ARID1B: variants seen among roughly 807,000 people sequenced by gnomAD.
ARID1B encodes the protein AT-rich interaction domain 1B, also known as AT-rich interactive domain-containing protein 1B.
Under a neutral mutation model 212.3 loss-of-function variants are expected in ARID1B, and 30 were observed. That is an observed-to-expected ratio of 0.14 (90% CI 0.11 to 0.19). ARID1B has a LOEUF of 0.19. Ranked by LOEUF, ARID1B falls within the 10% of genes least tolerant of loss-of-function variation. ARID1B has a pLI of 1.00. For missense variants in ARID1B, 2,891 were observed against 3,204.0 expected, an observed-to-expected ratio of 0.90 and a Z score of 2.36; for synonymous variants, 1,402 against 1,301.7, an observed-to-expected ratio of 1.08 and a Z score of -1.66.
intron 1 of ARID1B, among the ~76,000 whole-genome samples, chr6:156,781,792 T>C (rs751634162): frequency 2.6e-5 from 4 of 152,114 alleles, no homozygotes; most frequent in Non-Finnish European, 5.9e-5. Context: ...TTTGTCAGCC[T>C]GCTTTTAAAG....
At chr6:156,872,203 G>A (rs888986085) in intron 2 of ARID1B, among the ~76,000 whole-genome samples, 1 of 152,152 alleles carries the variant, frequency 6.6e-6, no homozygotes, top group African/African-American at 2.4e-5. Context: ...GGGATTAGTC[G>A]ATGAGATTTC....
At chr6:156,784,186 G>A (rs945518739) in intron 1 of ARID1B, among the ~76,000 whole-genome samples, 2 of 151,940 alleles carry the variant, frequency 1.3e-5, no homozygotes, top group African/African-American at 4.8e-5. Context: ...GCCCTTTCCT[G>A]AATGGGAGGG....
chr6:156,983,524 T>C (rs1301712454), intron 4 of ARID1B, among the ~76,000 whole-genome samples: 1 of 152,206 alleles, frequency 6.6e-6, no homozygotes, highest in East Asian at 1.9e-4. Flanking sequence ...CTTCCTCATG[T>C]TGATATGTGA....
chr6:156,827,600 T>C (rs1782829631), intron 1 of ARID1B, among the ~76,000 whole-genome samples: 1 of 152,186 alleles, frequency 6.6e-6, no homozygotes, highest in Non-Finnish European at 1.5e-5. Context: ...AAATTCGTGC[T>C]TCACGTGGAT....
In ARID1B at chr6:156,941,458, GT is replaced by G. The variant is rs1347887032; in HGVS notation, c.2247+5884del. 2.0e-5 allele frequency: 3 copies of G among 152,200 alleles called. No homozygotes were observed. The South Asian group carries it at 6.2e-4, about 32-fold the overall frequency. The allele number at this position is 152,200 out of a possible 1,614,324, so 9.4% of individuals were successfully genotyped here. A position where few individuals can be genotyped will look rare whatever the true frequency, so the allele number is the denominator to read the frequency against. On this transcript the variant is annotated intron_variant, in intron 4 of 19. Coordinates refer to ENST00000636930, the MANE Select transcript of ARID1B (RefSeq NM_001374828.1). ...TGAACATAATTTTCATCACTGGTCT[GT>G]TCTATCTGGAGATATCAGTTATTTT...
intron 2 of ARID1B, among the ~76,000 whole-genome samples, chr6:156,872,962 C>T (rs186302694): frequency 1.3e-5 from 2 of 152,304 alleles, no homozygotes; most frequent in East Asian, 3.9e-4. Context: ...GAGGCTACTC[C>T]GTGTGCTGAA....
intron 5 of ARID1B, among the ~76,000 whole-genome samples, chr6:157,099,894 A>C (rs936533703): frequency 1.2e-4 from 18 of 152,196 alleles, no homozygotes; most frequent in African/African-American, 4.1e-4. Flanking sequence ...AAGTATCCTT[A>C]TTCCCTTCAT....
chr6:156,978,063 T>TCA (rs1306429409), intron 4 of ARID1B, among the ~76,000 whole-genome samples: 1 of 152,220 alleles, frequency 6.6e-6, no homozygotes, highest in African/African-American at 2.4e-5. Flanking sequence ...CGTGGTTTCT[T>TCA]CACACACACA....
intron 4 of ARID1B, among the ~76,000 whole-genome samples, chr6:157,066,574 A>G (rs1783690970): frequency 6.6e-6 from 1 of 152,088 alleles, no homozygotes; most frequent in Non-Finnish European, 1.5e-5. Flanking sequence ...ATAGCCTTTA[A>G]CGGATAGCTT....
chr6:156,778,748 C>A lies in ARID1B; in HGVS notation c.1068C>A (p.Ala356=). ...MGMMHSASAA[A]AGAPGSMDPL... is the part of the protein sequence containing the mutation. The stretch of plus-strand genomic sequence containing the variant: ...TGATGCACTCCGCCTCCGCCGCCGC[C>A]GCCGGGGCCCCCGGCAGCATGGACC... The change falls in exon 1 of 20, where the codon GCC becomes GCA. Residue 356 remains alanine, a synonymous_variant. Transcript: ENST00000636930. 1 of 1,524,724 alleles carries A rather than the reference C, an allele frequency of 6.6e-7. No individual in the cohort carries two copies. Among genetic ancestry groups the A allele is most frequent in the Non-Finnish European group, 8.8e-7 (1 of 1,134,324 alleles). 94.4% of individuals were successfully genotyped at this position (1,524,724 alleles called of 1,614,324 possible). A position where few individuals can be genotyped will look rare whatever the true frequency, so the allele number is the denominator to read the frequency against.
At chr6:156,921,274 GAAAT>G (rs1790761660) in intron 3 of ARID1B, among the ~76,000 whole-genome samples, 1 of 152,158 alleles carries the variant, frequency 6.6e-6, no homozygotes, top group African/African-American at 2.4e-5. Context: ...AGTGACTAAA[GAAAT>G]AAATAAAGTG....
chr6:157,003,888 G>T (rs935016224), intron 4 of ARID1B, among the ~76,000 whole-genome samples: 2 of 151,666 alleles, frequency 1.3e-5, no homozygotes, highest in Non-Finnish European at 2.9e-5. Context: ...CACTTTGGCC[G>T]AGAGTTCAAG....
intron 4 of ARID1B, chr6:157,036,508 ATGT>A (rs985417957): frequency 1.9e-5 from 5 of 262,316 alleles, no homozygotes; most frequent in African/African-American, 6.7e-5. Flanking sequence ...CATATGCAAC[ATGT>A]TGTGATTTAG....
intron 13 of ARID1B, chr6:157,186,513 T>C (rs1792987636): frequency 4.2e-6 from 2 of 471,072 alleles, no homozygotes; most frequent in Non-Finnish European, 8.8e-6. Flanking sequence ...GCCTCTCGAT[T>C]CACTGCCACC....
chr6:157,178,089 G>A (rs1026637617), intron 11 of ARID1B, among the ~76,000 whole-genome samples: 4 of 152,190 alleles, frequency 2.6e-5, no homozygotes, highest in Non-Finnish European at 5.9e-5. Flanking sequence ...GGGTGGAGGC[G>A]TTGAGTGCTG....
intron 4 of ARID1B, 57 bp from the exon 5 acceptor site, chr6:157,084,605 T>C: frequency 6.4e-7 from 1 of 1,570,858 alleles, no homozygotes; most frequent in African/African-American, 1.4e-5. Flanking sequence ...AAGTCGTCTT[T>C]TGATGAGATA....
intron 5 of ARID1B, among the ~76,000 whole-genome samples, chr6:157,098,410 C>T (rs901297394): frequency 6.6e-6 from 1 of 152,206 alleles, no homozygotes; most frequent in African/African-American, 2.4e-5. Context: ...AGACCTTTCC[C>T]TCCACAAGTG....
At chr6:157,115,793 A>G (rs549115935) in intron 6 of ARID1B, among the ~76,000 whole-genome samples, 1 of 152,318 alleles carries the variant, frequency 6.6e-6, no homozygotes, top group South Asian at 2.1e-4. Flanking sequence ...TTCATTATGT[A>G]CATGAATTTT....
At position 157,190,859 on chromosome 6, in the gene ARID1B, G is replaced by T. The variant is rs1485608723; in HGVS notation, c.4231+649G>T. Among the ~76,000 whole-genome samples the T allele has an allele frequency of 1.3e-5, 2 of 152,056 alleles. No individual in the cohort carries two copies. Among genetic ancestry groups the T allele is most frequent in the Non-Finnish European group, 2.9e-5 (2 of 68,024 alleles). The stretch of plus-strand genomic sequence containing the variant: ...GGTGGCGCGGTGGGAGAGAGGGAAA[G>T]CGATTTAGACTGAGTGGTCGGGAGG... On this transcript the variant is annotated intron_variant, in intron 15 of 19. Transcript: ENST00000636930. This position sits in a 1 kb window ranked among gnomAD's most constrained non-coding sequence, Gnocchi z 4.6.
Sources: allele counts gnomAD v4.1 joint callset (sites outside exome capture counted in the v4.1 genomes callset), GRCh38; gene constraint gnomAD v4.1.1; non-coding constraint Gnocchi (gnomAD v3.1); transcripts MANE v1.5; gene names NCBI Gene and HGNC (gene_info 2026-07-23, HGNC 2026-07-21).